Variants in PALMD observed in about 807,000 individuals in gnomAD.
PALMD encodes the protein palmdelphin, also known as paralemmin-like protein.
A neutral mutation model predicts 56.2 loss-of-function variants in PALMD; 42 were observed. That is an observed-to-expected ratio of 0.75 (90% CI 0.58 to 0.97). The LOEUF is 0.97. Among genes scored for constraint, PALMD ranks in the 50% least tolerant of loss-of-function variants. The pLI, the probability that PALMD is intolerant of heterozygous loss-of-function variation, is 0.00. For missense variants in PALMD, 660 were observed against 643.8 expected, an observed-to-expected ratio of 1.03 and a Z score of -0.27; for synonymous variants, 242 against 222.9, an observed-to-expected ratio of 1.09 and a Z score of -0.76.
Position 99,686,972 on chromosome 1 carries a change from T to C in PALMD, c.400+9T>C, listed in dbSNP as rs1653516452. 3 of 1,572,046 alleles carry C rather than the reference T, an allele frequency of 1.9e-6. No homozygotes were observed. Among genetic ancestry groups the C allele is most frequent in the East Asian group, 4.5e-5 (2 of 44,534 alleles). On this transcript the variant is annotated intron_variant, in intron 5 of 7. Transcript: ENST00000263174. ...AGAAGAAAGAGCAGAAGGTATGTTT[T>C]TGAATAACTTATTTTATGTTAAACT...
rs780743607 is a variant in PALMD at position 99,686,667 on chromosome 1, T to C, written c.252-9T>C. 1.4e-6 allele frequency: 2 copies of C among 1,448,098 alleles called. No individual in the cohort carries two copies. Among genetic ancestry groups the C allele is most frequent in the East Asian group, 2.3e-5 (1 of 44,000 alleles). 89.7% of individuals were successfully genotyped at this position (1,448,098 alleles called of 1,614,324 possible). On this transcript the variant is annotated splice_polypyrimidine_tract_variant and intron_variant, in intron 3 of 7. Transcript: ENST00000263174. ...TTAAGCAATAAAAAGTATACCTTTT[T>C]GTTGTCAGGCTTGAGAAAGAGATCC...
intron 1 of PALMD, among the ~76,000 whole-genome samples, chr1:99,648,818 T>G (rs1398274850): frequency 6.8e-6 from 1 of 146,428 alleles, no homozygotes; most frequent in Non-Finnish European, 1.5e-5. Flanking sequence ...TGCAAAGAAC[T>G]GAAAAAATAA....
intron 1 of PALMD, among the ~76,000 whole-genome samples, chr1:99,648,660 GA>G (rs34022751): frequency 0.029 from 4,111 of 140,812 alleles, 75 homozygotes; most frequent in South Asian, 0.039. Context: ...CACTTTGGAG[GA>G]AAAAAAAAAA....
intron 3 of PALMD, chr1:99,669,070 C>T (rs921518100): frequency 1.3e-5 from 2 of 152,148 alleles, no homozygotes; most frequent in African/African-American, 2.4e-5. Context: ...GTGCTACGAC[C>T]GCATTTTGTC....
chr1:99,667,933 C>A, intron 3 of PALMD, 167 bp downstream of exon 3: 1 of 593,782 alleles, frequency 1.7e-6, no homozygotes, highest in Non-Finnish European at 2.9e-6. Context: ...GGCTGGAGTG[C>A]AGTGACATGA....
At chr1:99,678,950 G>A (rs188249895) in intron 3 of PALMD, among the ~76,000 whole-genome samples, 40 of 150,924 alleles carry the variant, frequency 2.7e-4, no homozygotes, top group African/African-American at 8.5e-4. Context: ...GGGCAATACA[G>A]GGATACCTTG....
At chr1:99,678,603 T>C (rs778400138) in intron 3 of PALMD, among the ~76,000 whole-genome samples, 20 of 152,128 alleles carry the variant, frequency 1.3e-4, no homozygotes, top group Non-Finnish European at 2.4e-4. Flanking sequence ...TCTGTTTCCA[T>C]GGGTAGAGCT....
chr1:99,682,652 A>G (rs1653368889), intron 3 of PALMD, among the ~76,000 whole-genome samples: 1 of 152,012 alleles, frequency 6.6e-6, no homozygotes, highest in South Asian at 2.1e-4. Flanking sequence ...CTAAGGTGTC[A>G]TTGGCCAAGC....
chr1:99,661,022 A>C (rs1437783657), intron 1 of PALMD, among the ~76,000 whole-genome samples: 1 of 152,232 alleles, frequency 6.6e-6, no homozygotes, highest in Non-Finnish European at 1.5e-5. Flanking sequence ...ATCAAAAAAG[A>C]GTTTTTATCT....
intron 1 of PALMD, among the ~76,000 whole-genome samples, chr1:99,647,444 T>C (rs1479016510): frequency 6.6e-6 from 1 of 152,244 alleles, no homozygotes; most frequent in East Asian, 1.9e-4. Context: ...TAAATTGAAA[T>C]GTCTTCTTAG....
At chr1:99,679,622 T>C (rs1381824111) in intron 3 of PALMD, among the ~76,000 whole-genome samples, 10 of 152,360 alleles carry the variant, frequency 6.6e-5, no homozygotes, top group African/African-American at 2.4e-5. Flanking sequence ...CCAGCTATCA[T>C]TTCAATCTTC....
At chr1:99,649,083 C>T (rs72964326) in intron 1 of PALMD, among the ~76,000 whole-genome samples, 8,401 of 152,144 alleles carry the variant, frequency 0.055, 385 homozygotes, top group African/African-American at 0.12. Context: ...TATGCAGAAA[C>T]AATTGTTCAA....
At position 99,652,685 on chromosome 1, in the gene PALMD, G is replaced by GA. The variant is rs1297400286; in HGVS notation, c.45+6326dup. ...GAAAGGAAAGGAAAGGAAAGGAAAGGAAAGGAAAGGAAAAGAAAAGAAAAG... is the reference window on the plus strand; with the variant it reads ...GAAAGGAAAGGAAAGGAAAGGAAAGGAAAAGGAAAGGAAAAGAAAAGAAAAG... On this transcript the variant is annotated intron_variant, in intron 1 of 7. Coordinates refer to ENST00000263174, the MANE Select transcript of PALMD (RefSeq NM_017734.5). Among the ~76,000 whole-genome samples, 608 of 88,928 alleles carry GA rather than the reference G, an allele frequency of 6.8e-3. 3 individuals are homozygous for GA. The highest frequency in any genetic ancestry group is 0.028 in the African/African-American group (578 of 20,870). The allele number at this position is 88,928 out of a possible 152,430, so 58.3% of individuals were successfully genotyped here.
In PALMD at chr1:99,689,035, G is replaced by A; in HGVS notation, c.775G>A (p.Glu259Lys). 6.2e-7 allele frequency: 1 copy of A among 1,613,710 alleles called. No homozygotes were observed. The highest frequency in any genetic ancestry group is 8.5e-7 in the Non-Finnish European group (1 of 1,179,804). ...RNSKSPTEYH[E>K]PVYANPFYRP... ...CTCTAAATCCCCAACAGAGTATCATGAGCCTGTATATGCCAATCCCTTTTA... is the reference window on the plus strand; with the variant it reads ...CTCTAAATCCCCAACAGAGTATCATAAGCCTGTATATGCCAATCCCTTTTA... The change falls in exon 7 of 8, where the codon GAG (glutamate) becomes AAG (lysine). Residue 259 changes from glutamate to lysine, a missense_variant. Coordinates refer to ENST00000263174, the MANE Select transcript of PALMD (RefSeq NM_017734.5).
At chr1:99,683,154 GAAA>G (rs1646343718) in intron 3 of PALMD, 1 of 130,406 alleles carries the variant, frequency 7.7e-6, no homozygotes, top group South Asian at 2.5e-4. Flanking sequence ...AAGAAAGAAA[GAAA>G]GAAAGAAAGA....
At chr1:99,664,124 A>G (rs1272650982) in intron 2 of PALMD, among the ~76,000 whole-genome samples, 2 of 152,156 alleles carry the variant, frequency 1.3e-5, no homozygotes, top group Non-Finnish European at 2.9e-5. Flanking sequence ...CAAAAGTGCT[A>G]TCCACTTTCC....
chr1:99,648,977 G>A (rs533141175), intron 1 of PALMD, among the ~76,000 whole-genome samples: 1 of 151,508 alleles, frequency 6.6e-6, no homozygotes, highest in South Asian at 2.1e-4. Flanking sequence ...CTATCGTGAT[G>A]CCATTCATTT....
chr1:99,665,605 A>G (rs1417009288), intron 2 of PALMD, among the ~76,000 whole-genome samples: 2 of 152,146 alleles, frequency 1.3e-5, no homozygotes, highest in East Asian at 3.8e-4. Context: ...CATCACAAGA[A>G]TGATTCGCTA....
chr1:99,646,410 A>C, intron 1 of PALMD, 48 bp downstream of exon 1: 1 of 1,480,292 alleles, frequency 6.8e-7, no homozygotes, highest in Non-Finnish European at 9.4e-7. Flanking sequence ...ACTTAGAGGA[A>C]GGCAGACCGT....
Sources: allele counts gnomAD v4.1 joint callset (sites outside exome capture counted in the v4.1 genomes callset), GRCh38; gene constraint gnomAD v4.1.1; transcripts MANE v1.5; gene names NCBI Gene and HGNC (gene_info 2026-07-23, HGNC 2026-07-21).